The following PRKN variants were observed in gnomAD, a reference collection of about 807,000 sequenced individuals.
PRKN encodes the protein E3 ubiquitin-protein ligase parkin.
In PRKN, 56 loss-of-function variants were observed where a neutral mutation model predicts 59.5. The ratio of observed to expected loss-of-function variants is 0.94; its 90% CI spans 0.76 to 1.18. The LOEUF (loss-of-function observed/expected upper bound fraction) is 1.18. Among genes scored for constraint, PRKN ranks in the 50% most tolerant of loss-of-function variants. The probability of loss-of-function intolerance (pLI) is 0.00; values close to 1 mark genes in which losing one functional copy is unlikely to be tolerated. For missense variants in PRKN, 657 were observed against 596.4 expected, an observed-to-expected ratio of 1.10 and a Z score of -1.06; for synonymous variants, 250 against 222.1, an observed-to-expected ratio of 1.13 and a Z score of -1.12.
At position 161,530,887 on chromosome 6, in the gene PRKN, G is replaced by A. The variant is rs1779179919; in HGVS notation, c.1083+17967C>T. Among the ~76,000 whole-genome samples, 1 of 152,246 alleles carries A rather than the reference G, an allele frequency of 6.6e-6. No homozygotes were observed. Among genetic ancestry groups the A allele is most frequent in the East Asian group, 1.9e-4 (1 of 5,170 alleles). On this transcript the variant is annotated intron_variant, in intron 9 of 11. Transcript: ENST00000366898. This position sits in a 1 kb window ranked among gnomAD's most constrained non-coding sequence, Gnocchi z 5.0. Reference sequence around the variant, plus strand: ...ACTTCAGAGAACAGACCAATTTTTAGAGAGCTTCAACAATTTCTTTCTAAT... The same window carrying A: ...ACTTCAGAGAACAGACCAATTTTTAAAGAGCTTCAACAATTTCTTTCTAAT...
intron 9 of PRKN, among the ~76,000 whole-genome samples, chr6:161,469,639 G>A (rs561795713): frequency 3.7e-4 from 57 of 152,132 alleles, no homozygotes; most frequent in Non-Finnish European, 6.6e-4. Context: ...TTTTGAAGAT[G>A]GAGGAAGGGA....
chr6:162,005,355 A>G (rs2128264641), intron 5 of PRKN, among the ~76,000 whole-genome samples: 1 of 152,292 alleles, frequency 6.6e-6, no homozygotes, highest in East Asian at 1.9e-4. Context: ...AATAAAAACA[A>G]AGACTGTTGA....
chr6:162,057,076 T>TG (rs1777897672), intron 4 of PRKN, among the ~76,000 whole-genome samples: 1 of 151,982 alleles, frequency 6.6e-6, no homozygotes, highest in South Asian at 2.1e-4. Flanking sequence ...GAGGTGGTCT[T>TG]GGGGGCCCAG....
At chr6:162,399,255 G>A (rs1453186305) in intron 2 of PRKN, among the ~76,000 whole-genome samples, 2 of 152,152 alleles carry the variant, frequency 1.3e-5, no homozygotes, top group Non-Finnish European at 2.9e-5. Flanking sequence ...GAAAGTGAGG[G>A]GAACACTGAG....
At chr6:161,938,241 T>C (rs79499964) in intron 6 of PRKN, among the ~76,000 whole-genome samples, 1,911 of 152,280 alleles carry the variant, frequency 0.013, 48 homozygotes, top group African/African-American at 0.042. Context: ...GCGATACAGA[T>C]GGGAAGACAG....
chr6:162,001,891 T>G (rs1782073788), intron 5 of PRKN, among the ~76,000 whole-genome samples: 1 of 151,568 alleles, frequency 6.6e-6, no homozygotes, highest in African/African-American at 2.4e-5. Context: ...GTGTTTGATT[T>G]TGTCGAATGC....
At chr6:162,342,106 C>G (rs1784204287) in intron 2 of PRKN, among the ~76,000 whole-genome samples, 1 of 152,134 alleles carries the variant, frequency 6.6e-6, no homozygotes, top group Non-Finnish European at 1.5e-5. Flanking sequence ...GCTAAATCCT[C>G]TTTGTGAATA....
intron 1 of PRKN, among the ~76,000 whole-genome samples, chr6:162,655,255 A>C (rs895450985): frequency 6.6e-6 from 1 of 152,192 alleles, no homozygotes; most frequent in Non-Finnish European, 1.5e-5. Flanking sequence ...GTCTATAAAA[A>C]AGGAAAATCA....
Position 161,499,947 on chromosome 6 carries a change from T to C in PRKN, c.1083+48907A>G, listed in dbSNP as rs1777896009. On this transcript the variant is annotated intron_variant, in intron 9 of 11. Transcript: ENST00000366898. The surrounding 1 kb of genome is among the most constrained non-coding windows in gnomAD (Gnocchi z 4.2). ...GATTACAGATAAACTGAACACCAAG[T>C]TGTCTTCTGAATGCTGCCCTCACTC... Among the ~76,000 whole-genome samples, 1 of 152,192 alleles carries C rather than the reference T, an allele frequency of 6.6e-6. No individual in the cohort carries two copies. The highest frequency in any genetic ancestry group is 2.4e-5 in the African/African-American group (1 of 41,436).
intron 6 of PRKN, among the ~76,000 whole-genome samples, chr6:161,900,766 C>A (rs1777877968): frequency 3.0e-5 from 2 of 66,384 alleles, no homozygotes; most frequent in African/African-American, 6.6e-5. Flanking sequence ...TAAATATATA[C>A]AACATACATA....
In PRKN at chr6:161,410,265, A is replaced by G. The variant is rs1390635601; in HGVS notation, c.1084-23388T>C. On this transcript the variant is annotated intron_variant, in intron 9 of 11. Coordinates refer to ENST00000366898, the MANE Select transcript of PRKN (RefSeq NM_004562.3). The surrounding 1 kb of genome is among the most constrained non-coding windows in gnomAD (Gnocchi z 5.3). The stretch of plus-strand genomic sequence containing the variant: ...TCTCAGCTGGTAGCCCTTGTCCCAG[A>G]GCTGGTGGCCTGCTGTGTCCTCCTC... 2.6e-5 allele frequency among the ~76,000 whole-genome samples: 4 copies of G among 152,140 alleles called. No individual in the cohort carries two copies. Among genetic ancestry groups the G allele is most frequent in the Admixed American group, 2.6e-4 (4 of 15,276 alleles).
chr6:162,504,603 CA>C (rs760465692), intron 1 of PRKN, among the ~76,000 whole-genome samples: 3 of 151,924 alleles, frequency 2.0e-5, no homozygotes, highest in Non-Finnish European at 2.9e-5. Flanking sequence ...ATGTGAAAAG[CA>C]AAGTGTTAAC....
At chr6:161,539,918 C>T (rs1196037102) in intron 9 of PRKN, among the ~76,000 whole-genome samples, 1 of 152,136 alleles carries the variant, frequency 6.6e-6, no homozygotes, top group Non-Finnish European at 1.5e-5. Context: ...GTATTGTATT[C>T]CACTGTATAA....
At chr6:161,957,715 G>T (rs77138884) in intron 6 of PRKN, among the ~76,000 whole-genome samples, 11 of 152,152 alleles carry the variant, frequency 7.2e-5, no homozygotes, top group Admixed American at 7.2e-4. Flanking sequence ...GAGTCACCGC[G>T]CCCAGCCCAT....
rs1038959782 is a variant in PRKN at position 161,359,454 on chromosome 6, G to A, written c.1285+634C>T. 6.6e-6 allele frequency among the ~76,000 whole-genome samples: 1 copy of A among 152,202 alleles called. No homozygotes were observed. The highest frequency in any genetic ancestry group is 2.4e-5 in the African/African-American group (1 of 41,460). On this transcript the variant is annotated intron_variant, in intron 11 of 11. Coordinates refer to ENST00000366898, the MANE Select transcript of PRKN (RefSeq NM_004562.3). The surrounding 1 kb of genome is among the most constrained non-coding windows in gnomAD (Gnocchi z 5.4). ...GCTGGGAGAGGCTGCGCCTGGCTTC[G>A]TGTCATTGCTCATCTGTGATGGTGC...
At chr6:162,070,001 G>A (rs1490381377) in intron 4 of PRKN, among the ~76,000 whole-genome samples, 2 of 152,196 alleles carry the variant, frequency 1.3e-5, no homozygotes, top group African/African-American at 2.4e-5. Flanking sequence ...CCTTGCATTA[G>A]TATAAAACAG....
rs71643580 is a variant in PRKN, at chr6:162,034,186, T to TAGAG, written c.618+19901_618+19904dup. 3.5e-3 allele frequency among the ~76,000 whole-genome samples: 469 copies of TAGAG among 133,286 alleles called. 1 individual carries two copies. The highest frequency in any genetic ancestry group is 7.4e-3 in the African/African-American group (252 of 34,178). 87.4% of individuals were successfully genotyped at this position (133,286 alleles called of 152,430 possible). A position where few individuals can be genotyped will look rare whatever the true frequency, so the allele number is the denominator to read the frequency against. ...ACACATACATATATATATATATATA[T>TAGAG]AGAGAGAGAGAGAGAGAGAGAGAGA... is the stretch of plus-strand genomic sequence containing the variant. On this transcript the variant is annotated intron_variant, in intron 5 of 11. Transcript: ENST00000366898.
At position 161,574,689 on chromosome 6, in the gene PRKN, T is replaced by C. The variant is rs560700123; in HGVS notation, c.872-5273A>G. On this transcript the variant is annotated intron_variant, in intron 7 of 11. Transcript: ENST00000366898. ...TGTATCTCAAAGATTCCCGGCAGCA[T>C]CTCTGAGACTATAATAGAAGTGTTT... Among the ~76,000 whole-genome samples, 4 of 152,314 alleles carry C rather than the reference T, an allele frequency of 2.6e-5. 1 individual carries two copies. The highest frequency in any genetic ancestry group is 7.2e-5 in the African/African-American group (3 of 41,568).
intron 6 of PRKN, among the ~76,000 whole-genome samples, chr6:161,885,685 A>G (rs9346886): frequency 0.47 from 66,830 of 142,966 alleles, 15,416 homozygotes; most frequent in African/African-American, 0.6. Flanking sequence ...AAAAAAAAAG[A>G]ATGTCTGAGC....
Sources: allele counts gnomAD v4.1 joint callset (sites outside exome capture counted in the v4.1 genomes callset), GRCh38; gene constraint gnomAD v4.1.1; non-coding constraint Gnocchi (gnomAD v3.1); transcripts MANE v1.5; gene names NCBI Gene and HGNC (gene_info 2026-07-23, HGNC 2026-07-21).